The following DCUN1D4 variants were observed in gnomAD, a reference collection of about 807,000 sequenced individuals.
DCUN1D4 encodes DCN1-like protein 4.
Under a neutral mutation model 47.9 loss-of-function variants are expected in DCUN1D4, and 22 were observed. That is an observed-to-expected ratio of 0.46 (90% CI 0.33 to 0.66). The LOEUF (loss-of-function observed/expected upper bound fraction) is 0.66, where lower values mean the gene tolerates loss of function less well. Among genes scored for constraint, DCUN1D4 ranks in the 30% least tolerant of loss-of-function variants. The pLI, the probability that DCUN1D4 is intolerant of heterozygous loss-of-function variation, is 0.02. For missense variants in DCUN1D4, 301 were observed against 340.8 expected (o/e 0.88, Z 0.92); for synonymous variants, 121 against 112.2 (o/e 1.08, Z -0.50).
chr4:51,886,395 A>T (rs1729479934), intron 5 of DCUN1D4, among the ~76,000 whole-genome samples, 173 bp from the exon 6 acceptor site: 1 of 152,230 alleles, frequency 6.6e-6, no homozygotes, highest in Non-Finnish European at 1.5e-5. Flanking sequence ...TACAAAGTAG[A>T]GTCCTTTAAA....
intron 7 of DCUN1D4, among the ~76,000 whole-genome samples, chr4:51,897,745 G>C (rs766586511): frequency 3.3e-5 from 5 of 152,212 alleles, no homozygotes; most frequent in Non-Finnish European, 5.9e-5. Context: ...GCAAGGAAAT[G>C]CTCAGAGACT....
intron 6 of DCUN1D4, among the ~76,000 whole-genome samples, chr4:51,891,429 G>A (rs1365183989): frequency 2.0e-5 from 3 of 152,204 alleles, no homozygotes; most frequent in Non-Finnish European, 4.4e-5. Flanking sequence ...AGACCTATAA[G>A]ATAACTTGCC....
chr4:51,880,924 C>A (rs547986436), intron 5 of DCUN1D4, among the ~76,000 whole-genome samples: 38 of 152,136 alleles, frequency 2.5e-4, no homozygotes, highest in African/African-American at 8.9e-4. Flanking sequence ...ATCAGGAGAT[C>A]GAGACTATCC....
chr4:51,851,682 G>C (rs1723391383), intron 1 of DCUN1D4, among the ~76,000 whole-genome samples: 1 of 152,092 alleles, frequency 6.6e-6, no homozygotes, highest in Non-Finnish European at 1.5e-5. Flanking sequence ...GGGAGGAGGA[G>C]CAAAGGGGAA....
chr4:51,889,398 A>C (rs558246141), intron 6 of DCUN1D4, among the ~76,000 whole-genome samples: 2 of 152,356 alleles, frequency 1.3e-5, no homozygotes, highest in African/African-American at 4.8e-5. Context: ...TTATGAAATT[A>C]AGCAGGCTTG....
At chr4:51,853,177 T>G (rs1723622085) in intron 1 of DCUN1D4, among the ~76,000 whole-genome samples, 1 of 152,194 alleles carries the variant, frequency 6.6e-6, no homozygotes, top group Admixed American at 6.5e-5. Flanking sequence ...GCTGCCTCCC[T>G]TGGGCGGATG....
intron 3 of DCUN1D4, among the ~76,000 whole-genome samples, chr4:51,871,601 C>T (rs1036894951): frequency 1.3e-5 from 2 of 152,178 alleles, no homozygotes; most frequent in African/African-American, 2.4e-5. Context: ...CAAACCGTGA[C>T]TGCTATTGGA....
intron 3 of DCUN1D4, chr4:51,865,007 AG>A: frequency 1.1e-5 from 2 of 186,398 alleles, no homozygotes; most frequent in East Asian, 2.6e-4. Flanking sequence ...AAACTCTTTA[AG>A]AAAAAGGTAT....
intron 8 of DCUN1D4, 151 bp from the exon 9 acceptor site, chr4:51,910,919 C>G: frequency 2.9e-6 from 2 of 682,074 alleles, no homozygotes; most frequent in East Asian, 5.5e-5. Flanking sequence ...ACTACCTCCC[C>G]TCCCTAACCT....
At chr4:51,877,954 G>GGTGT (rs149283691) in intron 5 of DCUN1D4, 100 bp downstream of exon 5, 19 of 731,186 alleles carry the variant, frequency 2.6e-5, no homozygotes, top group Admixed American at 1.6e-4. Context: ...TTCAAATTTG[G>GGTGT]GTGTGTGTGT....
chr4:51,839,667 C>G (rs922322169), upstream of DCUN1D4, among the ~76,000 whole-genome samples: 1 of 152,224 alleles, frequency 6.6e-6, no homozygotes, highest in Non-Finnish European at 1.5e-5. Flanking sequence ...GTTCTGCCAA[C>G]TCTCTCACTG....
At chr4:51,837,511 C>T in the DCUN1D4 span, among the ~76,000 whole-genome samples, 9 of 151,848 alleles carry the variant, frequency 5.9e-5, no homozygotes, top group Non-Finnish European at 1.2e-4. Flanking sequence ...AAGAATTAGC[C>T]GGGCGCAGTG....
At chr4:51,893,969 C>A (rs944729234) in intron 7 of DCUN1D4, among the ~76,000 whole-genome samples, 2 of 152,166 alleles carry the variant, frequency 1.3e-5, no homozygotes, top group African/African-American at 4.8e-5. Context: ...TTTGAGGGCC[C>A]TATCTCCTGG....
the DCUN1D4 span, among the ~76,000 whole-genome samples, chr4:51,837,864 T>G: frequency 0.42 from 63,852 of 151,788 alleles, 16,272 homozygotes; most frequent in African/African-American, 0.72. Flanking sequence ...AGGAAAGATA[T>G]CAGGATTTTC....
At chr4:51,900,585 TA>T (rs1387806927) in intron 8 of DCUN1D4, among the ~76,000 whole-genome samples, 1 of 152,040 alleles carries the variant, frequency 6.6e-6, no homozygotes, top group African/African-American at 2.4e-5. Flanking sequence ...TAAAAAAATT[TA>T]AAAATTAGCC....
At chr4:51,898,808 C>T (rs1054980943) in intron 7 of DCUN1D4, among the ~76,000 whole-genome samples, 2 of 152,174 alleles carry the variant, frequency 1.3e-5, no homozygotes, top group Admixed American at 1.3e-4. Flanking sequence ...CAGCTAAAAG[C>T]AGCGCATGAT....
chr4:51,856,828 A>G (rs967293527), intron 1 of DCUN1D4, among the ~76,000 whole-genome samples: 1 of 152,198 alleles, frequency 6.6e-6, no homozygotes, highest in Non-Finnish European at 1.5e-5. Flanking sequence ...TAAGGTGAAG[A>G]TCATTGGTGT....
chr4:51,874,446 A>G (rs1328112062), intron 4 of DCUN1D4, 61 bp downstream of exon 4: 3 of 1,284,986 alleles, frequency 2.3e-6, no homozygotes, highest in Non-Finnish European at 3.3e-6. Flanking sequence ...GCACATTTCT[A>G]CCTAATTCAG....
In DCUN1D4 at chr4:51,899,249, G is replaced by T. The variant is rs1731739861; in HGVS notation, c.507-21G>T. On this transcript the variant is annotated intron_variant, in intron 7 of 10. Coordinates refer to ENST00000334635, the MANE Select transcript of DCUN1D4 (RefSeq NM_001040402.3). ...AATAAATGAACTCAGGTCATAATTT[G>T]CCTTTATTCTGTTTTTCTAGATGTG... 3 of 1,572,930 alleles carry T rather than the reference G, an allele frequency of 1.9e-6. No individual in the cohort carries two copies. In the South Asian group the frequency reaches 3.5e-5, roughly 19 times the overall value.
Sources: allele counts gnomAD v4.1 joint callset (sites outside exome capture counted in the v4.1 genomes callset), GRCh38; gene constraint gnomAD v4.1.1; transcripts MANE v1.5; gene names NCBI Gene and HGNC (gene_info 2026-07-23, HGNC 2026-07-21).